The following CTNS variants were observed in gnomAD, a reference collection of about 807,000 sequenced individuals.
CTNS encodes the protein cystinosin.
Under a neutral mutation model 43.7 loss-of-function variants are expected in CTNS, and 27 were observed. The observed-to-expected ratio is 0.62, with a 90% CI of 0.46 to 0.85. CTNS has a LOEUF of 0.85. Among genes scored for constraint, CTNS ranks in the 40% least tolerant of loss-of-function variants. The pLI is 0.00. For missense variants in CTNS, 457 were observed against 475.4 expected (o/e 0.96, Z 0.36); for synonymous variants, 187 against 190.6 (o/e 0.98, Z 0.16).
chr17:3,648,756 G>C lies in CTNS; in HGVS notation c.141-91G>C, dbSNP rs1390414812. ...TAGCATTTCCTAAGCCTAACTGCTTGAGAGTTGAAGGCCAGATGTGAAATC... is the reference window on the plus strand; with the variant it reads ...TAGCATTTCCTAAGCCTAACTGCTTCAGAGTTGAAGGCCAGATGTGAAATC... On this transcript the variant is annotated intron_variant, in intron 4 of 11. Transcript: ENST00000046640. 9 of 1,089,762 alleles carry C rather than the reference G, an allele frequency of 8.3e-6. No individual in the cohort carries two copies. In the Admixed American group the frequency reaches 1.4e-4, roughly 16 times the overall value. 67.5% of individuals were successfully genotyped at this position (1,089,762 alleles called of 1,614,324 possible).
In CTNS at chr17:3,649,976, A is replaced by G. The variant is rs141203665; in HGVS notation, c.225+1045A>G. Among the ~76,000 whole-genome samples, 1,197 of 152,298 alleles carry G rather than the reference A, an allele frequency of 7.9e-3. 14 individuals are homozygous for G. The highest frequency in any genetic ancestry group is 0.027 in the African/African-American group (1,138 of 41,570). On this transcript the variant is annotated intron_variant, in intron 5 of 11. Coordinates refer to ENST00000046640, the MANE Select transcript of CTNS (RefSeq NM_004937.3). ...GAGATAGATCCTAAATGTTCCCACCACAGCTGGGTGCAGTGGCTTGCACCT... is the reference window on the plus strand; with the variant it reads ...GAGATAGATCCTAAATGTTCCCACCGCAGCTGGGTGCAGTGGCTTGCACCT...
At chr17:3,659,147 T>C (rs2076226027) in intron 10 of CTNS, among the ~76,000 whole-genome samples, 1 of 151,798 alleles carries the variant, frequency 6.6e-6, no homozygotes, top group Non-Finnish European at 1.5e-5. Context: ...AGGGACTGAC[T>C]AGAGGCTCAC....
intron 5 of CTNS, among the ~76,000 whole-genome samples, chr17:3,652,252 TTTAC>T (rs2076005556): frequency 1.3e-5 from 2 of 152,202 alleles, no homozygotes; most frequent in African/African-American, 4.8e-5. Context: ...GTGAATAATG[TTTAC>T]TTGACAGCCT....
At chr17:3,644,700 G>T (rs779459879) in intron 3 of CTNS, among the ~76,000 whole-genome samples, 4 of 152,112 alleles carry the variant, frequency 2.6e-5, no homozygotes, top group African/African-American at 9.7e-5. Flanking sequence ...TCCTGACCTC[G>T]TGATCCACCT....
chr17:3,655,444 C>T, intron 7 of CTNS, 92 bp downstream of exon 7: 5 of 1,558,210 alleles, frequency 3.2e-6, no homozygotes, highest in Non-Finnish European at 4.4e-6. Flanking sequence ...CTCCAACGTC[C>T]CCTCTACCCT....
chr17:3,659,493 A>G (rs2076235489), intron 10 of CTNS, among the ~76,000 whole-genome samples: 1 of 152,234 alleles, frequency 6.6e-6, no homozygotes, highest in Non-Finnish European at 1.5e-5. Flanking sequence ...GAGTTTGGGG[A>G]CAGCCTTGCC....
rs1013238286 is a variant in CTNS, at chr17:3,663,025, A to G, written c.*2656A>G. ...ATTAGTAAAAGCTAAATTCAAAAGT[A>G]GAATGGGCATCTCCAAAGAGTACGA... On this transcript the variant is annotated 3_prime_UTR_variant, in exon 12 of 12. Transcript: ENST00000046640. The G allele has an allele frequency of 4.6e-5, 7 of 152,268 alleles. No homozygotes were observed. The highest frequency in any genetic ancestry group is 1.7e-4 in the African/African-American group (7 of 41,462). 9.4% of individuals were successfully genotyped at this position (152,268 alleles called of 1,614,324 possible).
chr17:3,656,795 G>A lies in CTNS; in HGVS notation c.681G>A (p.Glu227=), dbSNP rs778414542. 3.1e-6 allele frequency: 5 copies of A among 1,612,912 alleles called. No homozygotes were observed. Among genetic ancestry groups the A allele is most frequent in the Non-Finnish European group, 3.4e-6 (4 of 1,179,898 alleles). The change falls in exon 9 of 12, where the codon GAG becomes GAA. Residue 227 remains glutamate, a splice_region_variant and synonymous_variant. Transcript: ENST00000046640. The part of the protein sequence containing the change: ...LIIIVQCCLY[E]RGGQRVSWPA... The stretch of plus-strand genomic sequence containing the variant: ...TCATCGTGCAGTGCTGCCTGTATGA[G>A]GTGAGACCAGCCCTGGCCCCCCACA...
intron 3 of CTNS, among the ~76,000 whole-genome samples, chr17:3,643,105 G>A (rs760582717): frequency 6.6e-6 from 1 of 151,756 alleles, no homozygotes; most frequent in Non-Finnish European, 1.5e-5. Flanking sequence ...ACAAGGTCAG[G>A]AGATCGAGAC....
In CTNS at chr17:3,658,626, C is replaced by T. The variant is rs980407602; in HGVS notation, c.852+451C>T. Among the ~76,000 whole-genome samples the T allele has an allele frequency of 1.2e-4, 18 of 152,350 alleles. No homozygotes were observed. The Middle Eastern group carries it at 0.014, about 115-fold the overall frequency. On this transcript the variant is annotated intron_variant, in intron 10 of 11. Transcript: ENST00000046640. Reference sequence around the variant, plus strand: ...GACTCAGGGTCCAGCACATCTTGCCCCACAGCCTGGGACAGGGTCAGGGCT... The same window carrying T: ...GACTCAGGGTCCAGCACATCTTGCCTCACAGCCTGGGACAGGGTCAGGGCT...
chr17:3,644,281 GGTAA>G (rs2075795045), intron 3 of CTNS, among the ~76,000 whole-genome samples: 1 of 152,072 alleles, frequency 6.6e-6, no homozygotes, highest in East Asian at 1.9e-4. Context: ...GCTCAGAGAG[GGTAA>G]GTACCTTACC....
At chr17:3,651,802 G>A (rs1211389247) in intron 5 of CTNS, among the ~76,000 whole-genome samples, 8 of 151,426 alleles carry the variant, frequency 5.3e-5, no homozygotes, top group Non-Finnish European at 1.2e-4. Context: ...GTGAAACCCC[G>A]TCTCTACTAA....
intron 10 of CTNS, 92 bp downstream of exon 10, chr17:3,658,267 CG>C: frequency 6.6e-7 from 1 of 1,520,364 alleles, no homozygotes; most frequent in Non-Finnish European, 9.0e-7. Flanking sequence ...CTCCTGCCGG[CG>C]TGAGGAAACA....
chr17:3,648,767 G>A (rs1396656222), intron 4 of CTNS, 80 bp from the exon 5 acceptor site: 22 of 1,170,230 alleles, frequency 1.9e-5, no homozygotes, highest in Non-Finnish European at 2.7e-5. Context: ...AGAGTTGAAG[G>A]CCAGATGTGA....
intron 3 of CTNS, among the ~76,000 whole-genome samples, chr17:3,643,598 T>C (rs1161372132): frequency 6.6e-6 from 1 of 151,946 alleles, no homozygotes; most frequent in South Asian, 2.1e-4. Context: ...GGATTCTCAC[T>C]CAGTTGCACA....
chr17:3,649,474 C>A (rs1040192659), intron 5 of CTNS, among the ~76,000 whole-genome samples: 139 of 148,676 alleles, frequency 9.3e-4, no homozygotes, highest in South Asian at 3.6e-3. Context: ...AAAAAAAGTT[C>A]TTACAATTTT....
At chr17:3,657,617 G>A (rs1403542371) in intron 9 of CTNS, 16 of 308,004 alleles carry the variant, frequency 5.2e-5, no homozygotes, top group Non-Finnish European at 6.9e-5. Flanking sequence ...GTCGTGGGAC[G>A]AGTCAGTACC....
At chr17:3,641,355 G>GAGAGATATATATATATATAT (rs777820533) in intron 3 of CTNS, among the ~76,000 whole-genome samples, 3 of 64,022 alleles carry the variant, frequency 4.7e-5, no homozygotes, top group African/African-American at 2.4e-4. Flanking sequence ...ACAAAAATCA[G>GAGAGATATATATATATATAT]ATACATATAT....
Position 3,648,897 on chromosome 17 carries a change from C to A in CTNS, c.191C>A (p.Ser64Tyr), listed in dbSNP as rs1454743016. The A allele has an allele frequency of 6.2e-7, 1 of 1,613,954 alleles. No individual in the cohort carries two copies. Among genetic ancestry groups the A allele is most frequent in the South Asian group, 1.1e-5 (1 of 91,076 alleles). The change falls in exon 5 of 12, where the codon TCC becomes TAC. Residue 64 changes from serine to tyrosine, a missense_variant. Ser to Tyr is a moderately radical substitution (Grantham distance 144). Transcript: ENST00000046640. ...LVITFEITFR[S>Y]KNITILELPD... is the part of the protein sequence containing the mutation. ...ATCACTTTTGAAATCACATTTCGTTCCAAAAATATTACTATCCTTGAGCTC... is the reference window on the plus strand; with the variant it reads ...ATCACTTTTGAAATCACATTTCGTTACAAAAATATTACTATCCTTGAGCTC...
Sources: allele counts gnomAD v4.1 joint callset (sites outside exome capture counted in the v4.1 genomes callset), GRCh38; gene constraint gnomAD v4.1.1; transcripts MANE v1.5; gene names NCBI Gene and HGNC (gene_info 2026-07-23, HGNC 2026-07-21).